The following CELF1 variants were observed in gnomAD, a reference collection of about 807,000 sequenced individuals.
The protein encoded by CELF1 is 50 kDa nuclear polyadenylated RNA-binding protein.
In CELF1, 10 loss-of-function variants were observed where a neutral mutation model predicts 61.8. That is an observed-to-expected ratio of 0.16 (90% CI 0.10 to 0.27). CELF1 has a LOEUF of 0.27. CELF1 is among the 10% of genes least tolerant of loss of function. CELF1 has a pLI of 1.00. For missense variants in CELF1, 380 were observed against 639.1 expected (o/e 0.59, Z 4.37); for synonymous variants, 236 against 225.1 (o/e 1.05, Z -0.43).
chr11:47,509,161 C>T (rs1231846018), intron 1 of CELF1, among the ~76,000 whole-genome samples: 1 of 152,152 alleles, frequency 6.6e-6, no homozygotes, highest in Non-Finnish European at 1.5e-5. Flanking sequence ...AACTGAAACG[C>T]TTTGGTGAGA....
At chr11:47,502,601 T>C (rs2153559462) in intron 1 of CELF1, among the ~76,000 whole-genome samples, 1 of 152,036 alleles carries the variant, frequency 6.6e-6, no homozygotes, top group South Asian at 2.1e-4. Context: ...GGGAGGCCGA[T>C]GCAGGTGGAT....
chr11:47,527,502 T>A (rs2096288653), intron 1 of CELF1, among the ~76,000 whole-genome samples: 1 of 152,090 alleles, frequency 6.6e-6, no homozygotes, highest in Non-Finnish European at 1.5e-5. Context: ...AGGGAGAGGA[T>A]CACTTGAGAT....
At chr11:47,521,246 C>T (rs1022132642) in intron 1 of CELF1, among the ~76,000 whole-genome samples, 7 of 151,952 alleles carry the variant, frequency 4.6e-5, no homozygotes, top group African/African-American at 9.7e-5. Flanking sequence ...AGAGAGACTC[C>T]GTCTCCAAAA....
rs780070261 is a variant in CELF1 at position 47,499,532 on chromosome 11, T to C, written c.-9A>G. ...AACTTAAACGCAGCCATCACCTCAC[T>C]CTCCCCTTCAGAAGCCAATGATATT... On this transcript the variant is annotated 5_prime_UTR_variant, in exon 3 of 15. Transcript: ENST00000687097. The C allele has an allele frequency of 2.2e-5, 33 of 1,534,276 alleles. No homozygotes were observed. Among genetic ancestry groups the C allele is most frequent in the South Asian group, 1.8e-4 (15 of 84,030 alleles).
At chr11:47,492,445 A>G (rs1194604422) in intron 3 of CELF1, among the ~76,000 whole-genome samples, 1 of 152,156 alleles carries the variant, frequency 6.6e-6, no homozygotes, top group East Asian at 1.9e-4. Flanking sequence ...AAAAAGCCCT[A>G]TGGCCAGGCA....
chr11:47,477,547 C>A, intron 10 of CELF1, 122 bp from the exon 11 acceptor site: 1 of 981,548 alleles, frequency 1.0e-6, no homozygotes, highest in Non-Finnish European at 1.5e-6. Context: ...TCTAGATAAG[C>A]CTTACAAACA....
intron 3 of CELF1, among the ~76,000 whole-genome samples, chr11:47,489,625 T>A (rs1482550521): frequency 6.6e-6 from 1 of 152,194 alleles, no homozygotes; most frequent in Admixed American, 6.5e-5. Flanking sequence ...CCTCTTATAT[T>A]TCCAGATGAT....
At chr11:47,517,168 G>A (rs1351544435) in intron 1 of CELF1, among the ~76,000 whole-genome samples, 1 of 150,574 alleles carries the variant, frequency 6.6e-6, no homozygotes, top group Non-Finnish European at 1.5e-5. Flanking sequence ...AATCACTTGA[G>A]CCCAGGAGGT....
In CELF1 at chr11:47,486,160, CAA is replaced by C. The variant is rs375593179; in HGVS notation, c.391+588_391+589del. Among the ~76,000 whole-genome samples, 236 of 82,678 alleles carry C rather than the reference CAA, an allele frequency of 2.9e-3. 3 individuals are homozygous for C. The highest frequency in any genetic ancestry group is 8.9e-3 in the African/African-American group (191 of 21,500). The allele number at this position is 82,678 out of a possible 152,430, so 54.2% of individuals were successfully genotyped here. Reference sequence around the variant, plus strand: ...CAGGCAACAGAGTGAGACTCCATCTCAAAAAAAAAAAAAAATTCGAGAATTAA... The same window carrying C: ...CAGGCAACAGAGTGAGACTCCATCTCAAAAAAAAAAAAATTCGAGAATTAA... On this transcript the variant is annotated intron_variant, in intron 6 of 14. Coordinates refer to ENST00000687097, the MANE Select transcript of CELF1 (RefSeq NM_001376376.1).
chr11:47,560,311 G>A (rs576706432), intron 2 of CELF1, among the ~76,000 whole-genome samples: 1 of 152,022 alleles, frequency 6.6e-6, no homozygotes, highest in Non-Finnish European at 1.5e-5. Flanking sequence ...AACAGAAAAG[G>A]CCAGAGGCAT....
rs201800783 is a variant in CELF1, at chr11:47,472,168, A to G, written c.*62T>C. On this transcript the variant is annotated 3_prime_UTR_variant, in exon 15 of 15. Transcript: ENST00000687097. The stretch of plus-strand genomic sequence containing the variant: ...CACAGCCTCAGGGCTTCGAATCATT[A>G]AGGGTGCTCCTCCCCCACTTACCAG... 4 of 1,592,728 alleles carry G rather than the reference A, an allele frequency of 2.5e-6. No individual in the cohort carries two copies. The African/African-American group carries it at 5.4e-5, about 21-fold the overall frequency.
chr11:47,500,791 A>G (rs952951349), intron 2 of CELF1, 70 bp downstream of exon 2: 1 of 397,710 alleles, frequency 2.5e-6, no homozygotes, highest in Non-Finnish European at 4.4e-6. Context: ...AGTGACTCTA[A>G]AATGTTATCT....
chr11:47,509,030 A>C (rs1176166227), intron 1 of CELF1, among the ~76,000 whole-genome samples: 1 of 152,072 alleles, frequency 6.6e-6, no homozygotes, highest in East Asian at 1.9e-4. Flanking sequence ...CCGCCTCCCA[A>C]TGTGCTGGGA....
At chr11:47,510,068 G>T (rs554470471) in intron 1 of CELF1, among the ~76,000 whole-genome samples, 1 of 145,666 alleles carries the variant, frequency 6.9e-6, no homozygotes, top group East Asian at 2.0e-4. Context: ...TCTCAAAAAA[G>T]AAAAAAAAAA....
At chr11:47,487,129 A>G in intron 5 of CELF1, 30 bp downstream of exon 5, 1 of 1,539,396 alleles carries the variant, frequency 6.5e-7, no homozygotes, top group South Asian at 1.1e-5. Context: ...AAGTTACCAC[A>G]TTTCCATTTA....
At chr11:47,514,548 A>G (rs1462551686) in intron 1 of CELF1, among the ~76,000 whole-genome samples, 3 of 152,106 alleles carry the variant, frequency 2.0e-5, no homozygotes, top group African/African-American at 4.8e-5. Flanking sequence ...AGAGCATGCA[A>G]AAAACATTTT....
At chr11:47,525,320 GAACA>G (rs1247517613) in intron 1 of CELF1, among the ~76,000 whole-genome samples, 1 of 152,116 alleles carries the variant, frequency 6.6e-6, no homozygotes, top group Admixed American at 6.6e-5. Context: ...ATTTTACTTA[GAACA>G]ATTCATTTAG....
chr11:47,501,763 T>A (rs1597120710), intron 1 of CELF1, among the ~76,000 whole-genome samples: 1 of 151,982 alleles, frequency 6.6e-6, no homozygotes, highest in South Asian at 2.1e-4. Flanking sequence ...GCAGAGGCTG[T>A]GGTGAGCTGA....
At chr11:47,551,483 G>A (rs1240069785) in intron 1 of CELF1, among the ~76,000 whole-genome samples, 1 of 152,212 alleles carries the variant, frequency 6.6e-6, no homozygotes, top group Non-Finnish European at 1.5e-5. Flanking sequence ...GAAAATCACT[G>A]TAGCAACAGT....
Sources: gnomAD v4.1 joint callset for allele counts (sites outside exome capture counted in the v4.1 genomes callset) on GRCh38, gnomAD v4.1.1 for gene constraint, MANE v1.5 for transcripts, NCBI Gene and HGNC (gene_info 2026-07-23, HGNC 2026-07-21) for gene names.